HNRNPF: variants seen among roughly 807,000 people sequenced by gnomAD.
The protein encoded by HNRNPF is heterogeneous nuclear ribonucleoprotein F, also known as HnRNP F protein.
Under a neutral mutation model 26.0 loss-of-function variants are expected in HNRNPF, and 2 were observed. The ratio of observed to expected loss-of-function variants is 0.08; its 90% CI spans 0.03 to 0.24. The LOEUF is 0.24. Ranked by LOEUF, HNRNPF falls within the 10% of genes least tolerant of loss-of-function variation. HNRNPF has a pLI of 1.00. For synonymous variants in HNRNPF, 234 were observed against 211.5 expected, an observed-to-expected ratio of 1.11 and a Z score of -0.92; for missense variants, 299 against 539.2, an observed-to-expected ratio of 0.55 and a Z score of 4.41.
chr10:43,400,061 G>A (rs1172008686), intron 1 of HNRNPF, among the ~76,000 whole-genome samples: 2 of 152,124 alleles, frequency 1.3e-5, no homozygotes, highest in Non-Finnish European at 2.9e-5. Flanking sequence ...TAAAGTAGAA[G>A]CTGGCCAGGA....
At chr10:43,389,485 G>C (rs1422404201) in intron 3 of HNRNPF, among the ~76,000 whole-genome samples, 1 of 152,188 alleles carries the variant, frequency 6.6e-6, no homozygotes, top group Non-Finnish European at 1.5e-5. Flanking sequence ...TAGCTTCAGG[G>C]AAAATTAGTA....
Position 43,387,242 on chromosome 10 carries a change from T to A in HNRNPF, c.643A>T (p.Thr215Ser). The A allele has an allele frequency of 6.2e-7, 1 of 1,614,196 alleles. No individual in the cohort carries two copies. The highest frequency in any genetic ancestry group is 8.5e-7 in the Non-Finnish European group (1 of 1,180,036). The change falls in exon 4 of 4, where the codon ACT becomes TCT. Residue 215 changes from threonine to serine, a missense_variant. By Grantham distance (58) the Thr-to-Ser change is moderately conservative. Around this residue, in one of 6 missense-constraint regions of HNRNPF, gnomAD observed 15 missense variants for 40.3 expected, o/e 0.37. Transcript: ENST00000682386. The surrounding 1 kb of genome is among the most constrained non-coding windows in gnomAD (Gnocchi z 6.0). The part of the protein sequence containing the change: ...QRPGPYDRPG[T>S]ARRYIGIVKQ... ...ACGATGCCAATGTACCTCCTGGCAG[T>A]CCCGGGCCGGTCATAGGGCCCTGGC...
At position 43,387,941 on chromosome 10, in the gene HNRNPF, A is replaced by T; in HGVS notation, c.-52-5T>A. The T allele has an allele frequency of 7.2e-6, 3 of 417,018 alleles. No individual in the cohort carries two copies. The highest frequency in any genetic ancestry group is 9.9e-6 in the Non-Finnish European group (3 of 304,496). The allele number at this position is 417,018 out of a possible 1,614,324, so 25.8% of individuals were successfully genotyped here. A position where few individuals can be genotyped will look rare whatever the true frequency, so the allele number is the denominator to read the frequency against. On this transcript the variant is annotated splice_polypyrimidine_tract_variant and splice_region_variant and intron_variant, in intron 3 of 3. Transcript: ENST00000682386. This position sits in a 1 kb window ranked among gnomAD's most constrained non-coding sequence, Gnocchi z 6.0. ...TTGGGTGTGGCTTTTTTGTGGCTGG[A>T]AAAAAAAAAAAGAAAAATTTATTTA...
chr10:43,403,452 T>C (rs1282134743), intron 1 of HNRNPF, among the ~76,000 whole-genome samples: 3 of 152,198 alleles, frequency 2.0e-5, no homozygotes, highest in Non-Finnish European at 4.4e-5. Context: ...CAAAAGAGTT[T>C]TACAATTAAT....
At chr10:43,388,569 C>G (rs1159701494) in intron 3 of HNRNPF, among the ~76,000 whole-genome samples, 1 of 152,194 alleles carries the variant, frequency 6.6e-6, no homozygotes, top group South Asian at 2.1e-4. Flanking sequence ...CATATACAGA[C>G]AAGCAGACAA....
At chr10:43,402,560 T>C (rs1438055208) in intron 1 of HNRNPF, among the ~76,000 whole-genome samples, 3 of 152,216 alleles carry the variant, frequency 2.0e-5, no homozygotes, top group Admixed American at 1.3e-4. Flanking sequence ...TTACTTTGCA[T>C]GGCAGCCCTA....
intron 1 of HNRNPF, among the ~76,000 whole-genome samples, chr10:43,399,663 T>C (rs1838691257): frequency 6.6e-6 from 1 of 151,980 alleles, no homozygotes. Flanking sequence ...GGAGACAAGA[T>C]GGGAAGGAAT....
intron 1 of HNRNPF, among the ~76,000 whole-genome samples, chr10:43,408,488 C>T (rs1172367493): frequency 6.6e-6 from 1 of 152,174 alleles, no homozygotes; most frequent in Non-Finnish European, 1.5e-5. Flanking sequence ...CTCGCTCGGT[C>T]CCAGGTTTGC....
intron 3 of HNRNPF, among the ~76,000 whole-genome samples, chr10:43,389,173 T>C (rs532942706): frequency 4.6e-5 from 7 of 152,188 alleles, no homozygotes; most frequent in Non-Finnish European, 8.8e-5. Flanking sequence ...GATTTCACCA[T>C]GTTGGCGAGG....
intron 2 of HNRNPF, among the ~76,000 whole-genome samples, chr10:43,396,164 G>A (rs1287711708): frequency 6.6e-6 from 1 of 152,250 alleles, no homozygotes; most frequent in Non-Finnish European, 1.5e-5. Flanking sequence ...TTCAGGCAGA[G>A]CCAATCAAGA....
chr10:43,387,444 G>A lies in HNRNPF; in HGVS notation c.441C>T (p.Pro147=), dbSNP rs371590334. The A allele has an allele frequency of 7.4e-6, 12 of 1,614,010 alleles. No homozygotes were observed. The highest frequency in any genetic ancestry group is 8.5e-6 in the Non-Finnish European group (10 of 1,180,038). ...ACGCTTCCCCTGTAATCTTGCCTTC[G>A]GGGTCCACAGGCAATGTGATCCCGT... ...VPNGITLPVD[P]EGKITGEAFV... The change falls in exon 4 of 4, where the codon CCC becomes CCT. Residue 147 remains proline, a synonymous_variant. Coordinates refer to ENST00000682386, the MANE Select transcript of HNRNPF (RefSeq NM_001098204.2). The surrounding 1 kb of genome is among the most constrained non-coding windows in gnomAD (Gnocchi z 6.0).
In HNRNPF at chr10:43,386,483, T is replaced by G; in HGVS notation, c.*154A>C. The G allele has an allele frequency of 2.9e-6, 2 of 690,682 alleles. No homozygotes were observed. The highest frequency in any genetic ancestry group is 4.6e-6 in the Non-Finnish European group (2 of 431,092). 42.8% of individuals were successfully genotyped at this position (690,682 alleles called of 1,614,324 possible). A position where few individuals can be genotyped will look rare whatever the true frequency, so the allele number is the denominator to read the frequency against. ...TCACATGCTAGAAGAAAATTTTGCA[T>G]GAGAAAACACTGAAGAGGTAATTTT... is the stretch of plus-strand genomic sequence containing the variant. On this transcript the variant is annotated 3_prime_UTR_variant, in exon 4 of 4. Transcript: ENST00000682386.
chr10:43,392,807 C>T (rs1838306963), intron 3 of HNRNPF, among the ~76,000 whole-genome samples: 1 of 152,152 alleles, frequency 6.6e-6, no homozygotes, highest in Non-Finnish European at 1.5e-5. Context: ...ATAATCATCT[C>T]CAGGGTCAGG....
chr10:43,388,838 A>C (rs1838131936), intron 3 of HNRNPF, among the ~76,000 whole-genome samples: 1 of 152,202 alleles, frequency 6.6e-6, no homozygotes, highest in Non-Finnish European at 1.5e-5. Flanking sequence ...GGAGCAGCTG[A>C]CCTAGACAGC....
rs1336862203 is a variant in HNRNPF at position 43,386,617 on chromosome 10, C to T, written c.*20G>A. 2 of 1,516,866 alleles carry T rather than the reference C, an allele frequency of 1.3e-6. No homozygotes were observed. The highest frequency in any genetic ancestry group is 1.8e-6 in the Non-Finnish European group (2 of 1,136,976). The allele number at this position is 1,516,866 out of a possible 1,614,324, so 94.0% of individuals were successfully genotyped here. A position where few individuals can be genotyped will look rare whatever the true frequency, so the allele number is the denominator to read the frequency against. Reference sequence around the variant, plus strand: ...CTGCCTGTGAAAATGATTGAAGTAACTCAAATGTTCCTAACAAAACTAGTC... The same window carrying T: ...CTGCCTGTGAAAATGATTGAAGTAATTCAAATGTTCCTAACAAAACTAGTC... On this transcript the variant is annotated 3_prime_UTR_variant, in exon 4 of 4. Coordinates refer to ENST00000682386, the MANE Select transcript of HNRNPF (RefSeq NM_001098204.2).
Position 43,386,009 on chromosome 10 carries a change from T to A in HNRNPF, c.*628A>T, listed in dbSNP as rs1322881901. ...CGTTTTGCTATCTTTTGCTGAGTAA[T>A]CTGTGCCAGTCATTGTGAAAAAGTC... On this transcript the variant is annotated 3_prime_UTR_variant, in exon 4 of 4. Coordinates refer to ENST00000682386, the MANE Select transcript of HNRNPF (RefSeq NM_001098204.2). The A allele has an allele frequency of 6.6e-6, 1 of 152,652 alleles. No homozygotes were observed. The highest frequency in any genetic ancestry group is 1.5e-5 in the Non-Finnish European group (1 of 68,038). 9.5% of individuals were successfully genotyped at this position (152,652 alleles called of 1,614,324 possible).
intron 3 of HNRNPF, among the ~76,000 whole-genome samples, chr10:43,391,910 A>G (rs930803787): frequency 4.6e-5 from 7 of 152,250 alleles, no homozygotes; most frequent in Non-Finnish European, 7.3e-5. Context: ...AAATCTTGTC[A>G]AAAGGCCTCT....
intron 2 of HNRNPF, among the ~76,000 whole-genome samples, chr10:43,394,908 T>A (rs1290205566): frequency 1.3e-5 from 2 of 152,126 alleles, no homozygotes; most frequent in Non-Finnish European, 2.9e-5. Context: ...GCCTTATTGA[T>A]CTTGATGAGA....
At chr10:43,404,232 C>T (rs1838840595) in intron 1 of HNRNPF, among the ~76,000 whole-genome samples, 2 of 144,588 alleles carry the variant, frequency 1.4e-5, no homozygotes, top group South Asian at 4.5e-4. Flanking sequence ...ACCCAGGAGG[C>T]GGAGGCTGCA....
Sources: gnomAD v4.1 joint callset for allele counts (sites outside exome capture counted in the v4.1 genomes callset) on GRCh38, gnomAD v4.1.1 for gene constraint, gnomAD v4.1.1 regional missense constraint, Gnocchi (gnomAD v3.1) non-coding constraint, MANE v1.5 for transcripts, NCBI Gene and HGNC (gene_info 2026-07-23, HGNC 2026-07-21) for gene names.